COL2A1: variants seen among roughly 807,000 people sequenced by gnomAD.
COL2A1 encodes the protein collagen type II alpha 1 chain, also known as collagen alpha-1(II) chain.
Under a neutral mutation model 204.5 loss-of-function variants are expected in COL2A1, and 28 were observed. The ratio of observed to expected loss-of-function variants is 0.14; its 90% CI spans 0.10 to 0.19. The LOEUF is 0.19. Among genes scored for constraint, COL2A1 ranks in the 10% least tolerant of loss-of-function variants. The pLI is 1.00. For missense variants in COL2A1, 1,388 were observed against 2,027.5 expected (o/e 0.68, Z 6.06); for synonymous variants, 708 against 718.7 (o/e 0.99, Z 0.24).
In COL2A1 at chr12:47,987,321, G is replaced by A. The variant is rs2136577277; in HGVS notation, c.1222-8C>T. On this transcript the variant is annotated splice_polypyrimidine_tract_variant and splice_region_variant and intron_variant, in intron 19 of 53. Transcript: ENST00000380518. The surrounding 1 kb of genome is among the most constrained non-coding windows in gnomAD (Gnocchi z 4.1). ...ATCTGTTCCAGGGTTACCCTGAAAA[G>A]GGAGACATTGTCAAATAAGCAGCAA... 1 of 1,613,978 alleles carries A rather than the reference G, an allele frequency of 6.2e-7. No homozygotes were observed. Among genetic ancestry groups the A allele is most frequent in the South Asian group, 1.1e-5 (1 of 91,074 alleles).
chr12:47,989,191 C>A (rs761657641), intron 18 of COL2A1, 37 bp downstream of exon 18: 1 of 1,575,208 alleles, frequency 6.3e-7, no homozygotes, highest in Non-Finnish European at 8.7e-7. Context: ...AGCTTCTCGG[C>A]ACCCAGAAGT....
chr12:47,983,799 G>T, intron 29 of COL2A1, 63 bp from the exon 30 acceptor site: 1 of 1,525,374 alleles, frequency 6.6e-7, no homozygotes, highest in Non-Finnish European at 8.9e-7. Flanking sequence ...GCCACAGCTA[G>T]TAGGGCCCAG....
At chr12:47,984,192 C>T (rs751258368) in intron 28 of COL2A1, 52 bp from the exon 29 acceptor site, 2 of 1,539,038 alleles carry the variant, frequency 1.3e-6, no homozygotes, top group Middle Eastern at 1.7e-4. Flanking sequence ...TTCCCACTTG[C>T]AGTCCCCCTA....
At position 47,998,079 on chromosome 12, in the gene COL2A1, C is replaced by T. The variant is rs1940047716; in HGVS notation, c.343-15G>A. The T allele has an allele frequency of 1.2e-6, 2 of 1,614,064 alleles. No individual in the cohort carries two copies. The highest frequency in any genetic ancestry group is 1.1e-5 in the South Asian group (1 of 91,084). The stretch of plus-strand genomic sequence containing the variant: ...GGTCCTACAATCTGTGAGAGAGAGC[C>T]CCACAGGATGGTAAGTTAGAGGAGA... On this transcript the variant is annotated splice_polypyrimidine_tract_variant and intron_variant, in intron 4 of 53. Transcript: ENST00000380518.
intron 1 of COL2A1, 104 bp downstream of exon 1, chr12:48,004,133 T>G: frequency 1.5e-5 from 13 of 892,964 alleles, no homozygotes; most frequent in East Asian, 2.7e-5. Context: ...CGGGAGCCGT[T>G]TTAGCCCGGA....
chr12:48,005,120 TC>T (rs1409530758), upstream of COL2A1, among the ~76,000 whole-genome samples: 28 of 152,032 alleles, frequency 1.8e-4, no homozygotes, highest in Middle Eastern at 0.014. Flanking sequence ...CCTCCACCCC[TC>T]CCCCATCCAG....
chr12:47,979,487 T>G (rs373553466), intron 41 of COL2A1, 24 bp downstream of exon 41: 7 of 1,612,834 alleles, frequency 4.3e-6, no homozygotes, highest in Non-Finnish European at 5.9e-6. Context: ...TGCCTGTGCC[T>G]CTCATGCCAG....
chr12:47,982,186 T>A, intron 34 of COL2A1, 26 bp from the exon 35 acceptor site: 1 of 1,608,510 alleles, frequency 6.2e-7, no homozygotes. Context: ...ACCAGCCGCC[T>A]CAGCCAGGCA....
In COL2A1 at chr12:47,987,142, G is replaced by A. The variant is rs1939466091; in HGVS notation, c.1301C>T (p.Pro434Leu). ...AGGGCCAGGAGGGCCCCGTGGCCCAGGGAAGCCAGGAGCACCAGCAATGCC... is the reference window on the plus strand; with the variant it reads ...AGGGCCAGGAGGGCCCCGTGGCCCAAGGAAGCCAGGAGCACCAGCAATGCC... Reference protein sequence around the residue: ...APGIAGAPGFPGPRGPPGPQG... With the variant: ...APGIAGAPGFLGPRGPPGPQG... Residue 434 changes from proline (P) to leucine (L), a missense_variant, in exon 21 of 54, where the codon CCT becomes CTT. Pro to Leu is a moderately conservative substitution (Grantham distance 98). This residue lies in a region of COL2A1 where 884 missense variants were observed against 1,415.8 expected (regional missense o/e 0.62). Coordinates refer to ENST00000380518, the MANE Select transcript of COL2A1 (RefSeq NM_001844.5). This position sits in a 1 kb window ranked among gnomAD's most constrained non-coding sequence, Gnocchi z 4.1. 6.2e-7 allele frequency: 1 copy of A among 1,614,154 alleles called. No homozygotes were observed.
chr12:47,989,658 T>A, intron 17 of COL2A1, 103 bp downstream of exon 17: 1 of 944,396 alleles, frequency 1.1e-6, no homozygotes, highest in Non-Finnish European at 1.7e-6. Context: ...GACATCAGAG[T>A]GCTGCTGTGG....
At chr12:48,001,604 C>G (rs558110470) in intron 1 of COL2A1, among the ~76,000 whole-genome samples, 1 of 152,262 alleles carries the variant, frequency 6.6e-6, no homozygotes, top group South Asian at 2.1e-4. Flanking sequence ...TCAGATTTCC[C>G]GGGGAAGGGC....
chr12:47,993,715 G>A, intron 14 of COL2A1, 94 bp downstream of exon 14: 3 of 1,415,426 alleles, frequency 2.1e-6, no homozygotes, highest in Non-Finnish European at 3.0e-6. Context: ...TGAGGAGCTA[G>A]TTCCACTGAG....
intron 26 of COL2A1, 131 bp from the exon 27 acceptor site, chr12:47,985,224 CCACATCA>C (rs1187874455): frequency 5.2e-6 from 4 of 770,656 alleles, no homozygotes; most frequent in Non-Finnish European, 9.0e-6. Flanking sequence ...CTAGGATTGA[CCACATCA>C]CACCCATGGG....
At chr12:47,992,599 G>T (rs1281839927) in intron 16 of COL2A1, among the ~76,000 whole-genome samples, 1 of 152,164 alleles carries the variant, frequency 6.6e-6, no homozygotes, top group Non-Finnish European at 1.5e-5. Flanking sequence ...CAGCTGGATT[G>T]CCCAGGGAGT....
rs1939444142 is a variant in COL2A1, at chr12:47,986,840, C to T, written c.1414G>A (p.Glu472Lys). The change falls in exon 22 of 54, where the codon GAA becomes AAA. Residue 472 changes from glutamate (E) to lysine (K), a missense_variant. By Grantham distance (56) the Glu-to-Lys change is moderately conservative (BLOSUM62 1). Transcript: ENST00000380518. ...GFKGEQGPKG[E>K]PGPAGPQGAP... ...GCTTGGGGGCAGATACTCACAGGTT[C>T]TCCCTTGGGGCCTTGTTCACCTTTG... The T allele has an allele frequency of 6.2e-7, 1 of 1,614,202 alleles. No individual in the cohort carries two copies. The highest frequency in any genetic ancestry group is 8.5e-7 in the Non-Finnish European group (1 of 1,180,016).
chr12:47,977,358 C>T lies in COL2A1; in HGVS notation c.3235G>A (p.Ala1079Thr), dbSNP rs143363942. 1.1e-4 allele frequency: 182 copies of T among 1,613,662 alleles called. 1 individual carries two copies. In the South Asian group the frequency reaches 1.7e-3, roughly 15 times the overall value. Residue 1079 changes from alanine (A) to threonine (T), a missense_variant, in exon 46 of 54, where the codon GCT (alanine) becomes ACT (threonine). Ala to Thr is a moderately conservative substitution (Grantham distance 58). This residue lies in a region of COL2A1 where 884 missense variants were observed against 1,415.8 expected (regional missense o/e 0.62). Transcript: ENST00000380518. Reference sequence around the variant, plus strand: ...TCTCCTTGCTTGCCAGTTGGACCAGCGGGGCCAGGGGAGCCAGGGGGCCCA... The same window carrying T: ...TCTCCTTGCTTGCCAGTTGGACCAGTGGGGCCAGGGGAGCCAGGGGGCCCA... ...APGPPGSPGP[A>T]GPTGKQGDRG...
intron 41 of COL2A1, among the ~76,000 whole-genome samples, chr12:47,979,252 C>T (rs551595689): frequency 6.6e-6 from 1 of 152,280 alleles, no homozygotes; most frequent in Non-Finnish European, 1.5e-5. Flanking sequence ...AACATCTGTC[C>T]AGGATGAAGG....
intron 18 of COL2A1, among the ~76,000 whole-genome samples, chr12:47,988,084 C>T (rs796914072): frequency 7.2e-5 from 11 of 152,290 alleles, no homozygotes; most frequent in African/African-American, 1.7e-4. Context: ...GGACGGACAC[C>T]GCTCTCTCCC....
intron 18 of COL2A1, 58 bp downstream of exon 18, chr12:47,989,170 G>C (rs772526440): frequency 6.9e-7 from 1 of 1,447,786 alleles, no homozygotes; most frequent in South Asian, 1.2e-5. Context: ...CAAGGGTTAC[G>C]GGGAAAGGAC....
Sources: gnomAD v4.1 joint callset for allele counts (sites outside exome capture counted in the v4.1 genomes callset) on GRCh38, gnomAD v4.1.1 for gene constraint, gnomAD v4.1.1 regional missense constraint, Gnocchi (gnomAD v3.1) non-coding constraint, MANE v1.5 for transcripts, NCBI Gene and HGNC (gene_info 2026-07-23, HGNC 2026-07-21) for gene names.